SCUBE3: variants seen among roughly 807,000 people sequenced by gnomAD.
SCUBE3 encodes signal peptide, CUB and EGF-like domain-containing protein 3.
SCUBE3 carries 33 observed loss-of-function variants against 116.8 expected under a neutral mutation model. That is an observed-to-expected ratio of 0.28 (90% CI 0.21 to 0.38). The LOEUF (loss-of-function observed/expected upper bound fraction) is 0.38, where lower values mean the gene tolerates loss of function less well. SCUBE3 is among the 10% of genes least tolerant of loss of function. The probability of loss-of-function intolerance (pLI) is 1.00; values close to 1 mark genes in which losing one functional copy is unlikely to be tolerated. For synonymous variants in SCUBE3, 418 were observed against 496.9 expected, an observed-to-expected ratio of 0.84 and a Z score of 2.11; for missense variants, 1,007 against 1,324.8, an observed-to-expected ratio of 0.76 and a Z score of 3.72.
intron 6 of SCUBE3, among the ~76,000 whole-genome samples, chr6:35,236,092 T>C (rs1319313007): frequency 6.6e-6 from 1 of 152,218 alleles, no homozygotes; most frequent in Non-Finnish European, 1.5e-5. Context: ...CAGTTTACTT[T>C]TCTATAAAAT....
intron 1 of SCUBE3, 78 bp from the exon 2 acceptor site, chr6:35,227,502 C>T (rs934306704): frequency 4.6e-6 from 7 of 1,513,258 alleles, no homozygotes; most frequent in Middle Eastern, 1.7e-4. Flanking sequence ...GGGGATTCTG[C>T]CCTTGGAAGC....
At chr6:35,238,847 G>C (rs1176476878) in intron 7 of SCUBE3, among the ~76,000 whole-genome samples, 1 of 152,204 alleles carries the variant, frequency 6.6e-6, no homozygotes, top group South Asian at 2.1e-4. Context: ...GGGACGAGGA[G>C]GACTGGGCTC....
Position 35,244,055 on chromosome 6 carries a change from C to G in SCUBE3, c.2164C>G (p.Leu722Val). The change falls in exon 17 of 22, where the codon CTA becomes GTA. Residue 722 changes from leucine (L) to valine (V), a missense_variant. Coordinates refer to ENST00000274938, the MANE Select transcript of SCUBE3 (RefSeq NM_152753.4). This position sits in a 1 kb window ranked among gnomAD's most constrained non-coding sequence, Gnocchi z 4.3. ...GTYQPEAGRT[L>V]CFPCGGGLTT... is the part of the protein sequence containing the mutation. ...CTACCAACCTGAAGCAGGACGGACC[C>G]TATGCTTCCCTTGTGGTGGGGGCCT... The G allele has an allele frequency of 6.2e-7, 1 of 1,614,004 alleles. No individual in the cohort carries two copies. The highest frequency in any genetic ancestry group is 1.1e-5 in the South Asian group (1 of 91,064).
rs750541891 is a variant in SCUBE3, at chr6:35,241,274, G to C, written c.1195+8G>C. ...ATGGCAAAGATTGCACAGGTGGGCA[G>C]TGCCCTCTGCTGGCCAAAGATGACA... On this transcript the variant is annotated splice_region_variant and intron_variant, in intron 10 of 21. Coordinates refer to ENST00000274938, the MANE Select transcript of SCUBE3 (RefSeq NM_152753.4). The surrounding 1 kb of genome is among the most constrained non-coding windows in gnomAD (Gnocchi z 4.1). 6.3e-7 allele frequency: 1 copy of C among 1,587,254 alleles called. No individual in the cohort carries two copies. Among genetic ancestry groups the C allele is most frequent in the African/African-American group, 1.3e-5 (1 of 74,518 alleles).
rs1387135258 is a variant in SCUBE3 at position 35,243,098 on chromosome 6, A to G, written c.1771A>G (p.Ile591Val). ...ATCCCTGAAGATGCTCAGAAAGTCC[A>G]TCAACCAGGACCGCTTCCTGCTGCG... ...KGSLKMLRKS[I>V]NQDRFLLRLA... Residue 591 changes from isoleucine to valine, a missense_variant, in exon 15 of 22, where the codon ATC (isoleucine) becomes GTC (valine). Transcript: ENST00000274938. The surrounding 1 kb of genome is among the most constrained non-coding windows in gnomAD (Gnocchi z 6.6). 1 of 1,614,200 alleles carries G rather than the reference A, an allele frequency of 6.2e-7. No individual in the cohort carries two copies. Among genetic ancestry groups the G allele is most frequent in the South Asian group, 1.1e-5 (1 of 91,082 alleles).
intron 1 of SCUBE3, among the ~76,000 whole-genome samples, chr6:35,226,586 G>A (rs1243797011): frequency 1.4e-5 from 2 of 139,932 alleles, no homozygotes; most frequent in Admixed American, 8.0e-5. Context: ...TGGTTCAAGC[G>A]ATTCTCCTGC....
In SCUBE3 at chr6:35,216,220, A is replaced by G. The variant is rs1421330464; in HGVS notation, c.85+1717A>G. ...GCACTCAAGTATGGGAGATCAGCTCATGATTCAGGAACGGGAGTCAGAATC... is the reference window on the plus strand; with the variant it reads ...GCACTCAAGTATGGGAGATCAGCTCGTGATTCAGGAACGGGAGTCAGAATC... On this transcript the variant is annotated intron_variant, in intron 1 of 21. Transcript: ENST00000274938. Among the ~76,000 whole-genome samples the G allele has an allele frequency of 3.3e-5, 5 of 152,362 alleles. No homozygotes were observed. The East Asian group carries it at 9.6e-4, about 29-fold the overall frequency.
Position 35,245,212 on chromosome 6 carries a change from T to C in SCUBE3, c.2402-16T>C. On this transcript the variant is annotated splice_polypyrimidine_tract_variant and intron_variant, in intron 18 of 21. Coordinates refer to ENST00000274938, the MANE Select transcript of SCUBE3 (RefSeq NM_152753.4). The surrounding 1 kb of genome is among the most constrained non-coding windows in gnomAD (Gnocchi z 4.2). ...CCCTTCTCTGTCTTGTTTTATCCACTGGGGTTTGGCTGCAGATCGTCAGTG... is the reference window on the plus strand; with the variant it reads ...CCCTTCTCTGTCTTGTTTTATCCACCGGGGTTTGGCTGCAGATCGTCAGTG... The C allele has an allele frequency of 2.5e-6, 4 of 1,613,614 alleles. No homozygotes were observed. Among genetic ancestry groups the C allele is most frequent in the Non-Finnish European group, 3.4e-6 (4 of 1,179,508 alleles).
At position 35,241,427 on chromosome 6, in the gene SCUBE3, C is replaced by A; in HGVS notation, c.1196-116C>A. Reference sequence around the variant, plus strand: ...AGACATGAAATTTGTAGTAAACAATCCCATCATCAGTCTCCATGGGTACAA... The same window carrying A: ...AGACATGAAATTTGTAGTAAACAATACCATCATCAGTCTCCATGGGTACAA... On this transcript the variant is annotated intron_variant, in intron 10 of 21. Transcript: ENST00000274938. The surrounding 1 kb of genome is among the most constrained non-coding windows in gnomAD (Gnocchi z 4.1). 1 of 1,108,666 alleles carries A rather than the reference C, an allele frequency of 9.0e-7. No individual in the cohort carries two copies. Among genetic ancestry groups the A allele is most frequent in the Non-Finnish European group, 1.4e-6 (1 of 735,776 alleles). 68.7% of individuals were successfully genotyped at this position (1,108,666 alleles called of 1,614,324 possible). A position where few individuals can be genotyped will look rare whatever the true frequency, so the allele number is the denominator to read the frequency against.
chr6:35,232,719 C>A lies in SCUBE3; in HGVS notation c.470-131C>A. 1 of 846,478 alleles carries A rather than the reference C, an allele frequency of 1.2e-6. No homozygotes were observed. The highest frequency in any genetic ancestry group is 1.9e-6 in the Non-Finnish European group (1 of 529,764). 52.4% of individuals were successfully genotyped at this position (846,478 alleles called of 1,614,324 possible). On this transcript the variant is annotated intron_variant, in intron 4 of 21. Coordinates refer to ENST00000274938, the MANE Select transcript of SCUBE3 (RefSeq NM_152753.4). This position sits in a 1 kb window ranked among gnomAD's most constrained non-coding sequence, Gnocchi z 4.2. ...ACAGGAGGCCTGGGACAAGGAGAGTCAGTCCCCTCGTGTTGAATTCAACCT... is the reference window on the plus strand; with the variant it reads ...ACAGGAGGCCTGGGACAAGGAGAGTAAGTCCCCTCGTGTTGAATTCAACCT...
chr6:35,224,957 ATC>A (rs1783267361), intron 1 of SCUBE3, among the ~76,000 whole-genome samples: 1 of 152,188 alleles, frequency 6.6e-6, no homozygotes, highest in South Asian at 2.1e-4. Context: ...AATGTTCCAT[ATC>A]TATGCTTTCC....
rs144192317 is a variant in SCUBE3, at chr6:35,249,099, G to A, written c.*394G>A. ...GTGGGAAACGGGGAGGGGAAAGAAG[G>A]GCTTCTGCCATTATAGGGTTGTGCC... On this transcript the variant is annotated 3_prime_UTR_variant, in exon 22 of 22. Transcript: ENST00000274938. 3.7e-3 allele frequency: 648 copies of A among 175,896 alleles called. 6 individuals carry two copies. The highest frequency in any genetic ancestry group is 0.015 in the African/African-American group (620 of 41,922). 10.9% of individuals were successfully genotyped at this position (175,896 alleles called of 1,614,324 possible).
chr6:35,224,973 A>T (rs1020836028), intron 1 of SCUBE3, among the ~76,000 whole-genome samples: 2 of 152,206 alleles, frequency 1.3e-5, no homozygotes, highest in African/African-American at 4.8e-5. Context: ...GCTTTCCGCC[A>T]TGGTAGCCAC....
chr6:35,248,476 A>G, intron 21 of SCUBE3, 80 bp from the exon 22 acceptor site: 1 of 1,399,652 alleles, frequency 7.1e-7, no homozygotes. Flanking sequence ...GTAGACATCA[A>G]GAAGGGCTGC....
chr6:35,233,368 A>T lies in SCUBE3; in HGVS notation c.712+67A>T. ...GTGGGGGTGGGACCCTTTGGGAACC[A>T]GGGAAGTGGAGGAGTGCATGGGGCC... On this transcript the variant is annotated intron_variant, in intron 6 of 21. Coordinates refer to ENST00000274938, the MANE Select transcript of SCUBE3 (RefSeq NM_152753.4). The surrounding 1 kb of genome is among the most constrained non-coding windows in gnomAD (Gnocchi z 5.7). 1 of 955,188 alleles carries T rather than the reference A, an allele frequency of 1.0e-6. No homozygotes were observed. The highest frequency in any genetic ancestry group is 1.4e-5 in the South Asian group (1 of 73,304). 59.2% of individuals were successfully genotyped at this position (955,188 alleles called of 1,614,324 possible).
At chr6:35,226,664 G>C (rs1481488597) in intron 1 of SCUBE3, among the ~76,000 whole-genome samples, 1 of 151,852 alleles carries the variant, frequency 6.6e-6, no homozygotes, top group African/African-American at 2.4e-5. Flanking sequence ...TGTATTTTTA[G>C]TAGAGATGGG....
rs1275675789 is a variant in SCUBE3 at position 35,241,715 on chromosome 6, C to T, written c.1312+56C>T. On this transcript the variant is annotated intron_variant, in intron 11 of 21. Transcript: ENST00000274938. This position sits in a 1 kb window ranked among gnomAD's most constrained non-coding sequence, Gnocchi z 4.1. ...GGAGGAGAAAAGAGGAAGGACTGGC[C>T]GTTCAGGCAGCTCCTTCATTCCCCC... 2.2e-5 allele frequency: 33 copies of T among 1,507,388 alleles called. No individual in the cohort carries two copies. In the Middle Eastern group the frequency reaches 5.1e-4, roughly 23 times the overall value. The allele number at this position is 1,507,388 out of a possible 1,614,324, so 93.4% of individuals were successfully genotyped here.
rs1784569281 is a variant in SCUBE3 at position 35,251,925 on chromosome 6, G to C, written c.*3220G>C. ...GAAGAGAGGTTTTTACCATTGGAGG[G>C]AAATGGAAAGATGGTATAAATAGGA... is the stretch of plus-strand genomic sequence containing the variant. On this transcript the variant is annotated 3_prime_UTR_variant, in exon 22 of 22. Transcript: ENST00000274938. 6.6e-6 allele frequency: 1 copy of C among 152,222 alleles called. No homozygotes were observed. Among genetic ancestry groups the C allele is most frequent in the Non-Finnish European group, 1.5e-5 (1 of 68,066 alleles). 9.4% of individuals were successfully genotyped at this position (152,222 alleles called of 1,614,324 possible).
In SCUBE3 at chr6:35,233,357, C is replaced by G. The variant is rs1783629538; in HGVS notation, c.712+56C>G. 4 of 1,055,074 alleles carry G rather than the reference C, an allele frequency of 3.8e-6. No homozygotes were observed. The highest frequency in any genetic ancestry group is 5.9e-6 in the Non-Finnish European group (4 of 676,302). 65.4% of individuals were successfully genotyped at this position (1,055,074 alleles called of 1,614,324 possible). On this transcript the variant is annotated intron_variant, in intron 6 of 21. Transcript: ENST00000274938. This position sits in a 1 kb window ranked among gnomAD's most constrained non-coding sequence, Gnocchi z 5.7. ...CCTGAGATGGGGTGGGGGTGGGACC[C>G]TTTGGGAACCAGGGAAGTGGAGGAG...
Sources: gnomAD v4.1 joint callset for allele counts (sites outside exome capture counted in the v4.1 genomes callset) on GRCh38, gnomAD v4.1.1 for gene constraint, Gnocchi (gnomAD v3.1) non-coding constraint, MANE v1.5 for transcripts, NCBI Gene and HGNC (gene_info 2026-07-23, HGNC 2026-07-21) for gene names.